Variants in ERBB4 observed in about 807,000 individuals in gnomAD.
ERBB4 encodes receptor tyrosine-protein kinase erbB-4.
ERBB4 carries 42 observed loss-of-function variants against 158.0 expected under a neutral mutation model. The ratio of observed to expected loss-of-function variants is 0.27; its 90% CI spans 0.21 to 0.34. The LOEUF (loss-of-function observed/expected upper bound fraction) is 0.34. ERBB4 is among the 10% of genes least tolerant of loss of function. ERBB4 has a pLI of 1.00. For synonymous variants in ERBB4, 583 were observed against 558.7 expected (o/e 1.04, Z -0.61); for missense variants, 1,333 against 1,624.1 (o/e 0.82, Z 3.08).
chr2:212,467,161 T>C (rs958702421), intron 1 of ERBB4, among the ~76,000 whole-genome samples: 7 of 152,202 alleles, frequency 4.6e-5, no homozygotes, highest in African/African-American at 1.4e-4. Flanking sequence ...TATAAAAGTT[T>C]GGAAAATTTG....
chr2:212,076,981 A>G (rs1024885361), intron 2 of ERBB4, among the ~76,000 whole-genome samples: 1 of 152,038 alleles, frequency 6.6e-6, no homozygotes, highest in Non-Finnish European at 1.5e-5. Flanking sequence ...AAACTGTGCA[A>G]GAGATTTGAA....
chr2:211,943,895 T>A (rs994868324), intron 3 of ERBB4, among the ~76,000 whole-genome samples: 1 of 151,802 alleles, frequency 6.6e-6, no homozygotes, highest in Non-Finnish European at 1.5e-5. Context: ...AATCTGTATA[T>A]GTCTAAGTGA....
At chr2:212,297,967 G>A (rs1193661489) in intron 1 of ERBB4, among the ~76,000 whole-genome samples, 1 of 150,706 alleles carries the variant, frequency 6.6e-6, no homozygotes, top group Non-Finnish European at 1.5e-5. Flanking sequence ...TAGCAAATAA[G>A]TAAGAACATT....
At chr2:212,156,046 CATAAGGGT>C (rs1301727704) in intron 1 of ERBB4, among the ~76,000 whole-genome samples, 11 of 152,052 alleles carry the variant, frequency 7.2e-5, no homozygotes, top group Non-Finnish European at 1.6e-4. Flanking sequence ...ACCAGACAAG[CATAAGGGT>C]CTGTGACACA....
At chr2:212,352,278 C>T (rs574395106) in intron 1 of ERBB4, among the ~76,000 whole-genome samples, 133 of 149,346 alleles carry the variant, frequency 8.9e-4, no homozygotes, top group Non-Finnish European at 1.7e-3. Context: ...TGTGAGTATA[C>T]CAATGTAACA....
At chr2:211,996,371 T>G (rs1186469770) in intron 2 of ERBB4, among the ~76,000 whole-genome samples, 6 of 152,112 alleles carry the variant, frequency 3.9e-5, no homozygotes, top group Admixed American at 3.9e-4. Flanking sequence ...TGTTTCTGTG[T>G]TGGGCAATAT....
At chr2:212,225,597 A>C (rs2083444817) in intron 1 of ERBB4, among the ~76,000 whole-genome samples, 1 of 151,792 alleles carries the variant, frequency 6.6e-6, no homozygotes, top group South Asian at 2.1e-4. Context: ...TGCTGAAAAC[A>C]ATGTATTTAA....
rs1206756320 is a variant in ERBB4, at chr2:211,381,205, A to G, written c.*2410T>C. On this transcript the variant is annotated 3_prime_UTR_variant, in exon 28 of 28. Coordinates refer to ENST00000342788, the MANE Select transcript of ERBB4 (RefSeq NM_005235.3). ...TCACAAACCCTTCTCCTGCTCTACC[A>G]TACTTTTTCAGCTCGCCTCACTTCT... 2.6e-5 allele frequency: 6 copies of G among 232,200 alleles called. No homozygotes were observed. The highest frequency in any genetic ancestry group is 1.1e-4 in the African/African-American group (5 of 45,264). The allele number at this position is 232,200 out of a possible 1,614,324, so 14.4% of individuals were successfully genotyped here. A position where few individuals can be genotyped will look rare whatever the true frequency, so the allele number is the denominator to read the frequency against.
At position 212,373,918 on chromosome 2, in the gene ERBB4, T is replaced by TATATATCC; in HGVS notation, c.82+164530_82+164531insGGATATAT. Among the ~76,000 whole-genome samples the TATATATCC allele has an allele frequency of 2.4e-4, 14 of 57,284 alleles. 2 individuals carry two copies. Among genetic ancestry groups the TATATATCC allele is most frequent in the African/African-American group, 1.5e-3 (13 of 8,634 alleles). 37.6% of individuals were successfully genotyped at this position (57,284 alleles called of 152,430 possible). On this transcript the variant is annotated intron_variant, in intron 1 of 27. Coordinates refer to ENST00000342788, the MANE Select transcript of ERBB4 (RefSeq NM_005235.3). ...ATATATATATCCATGTATATATCCA[T>TATATATCC]ATATATATATCCATATATATCCATA... is the stretch of plus-strand genomic sequence containing the variant.
chr2:212,205,721 T>A (rs1044890955), intron 1 of ERBB4, among the ~76,000 whole-genome samples: 1 of 152,044 alleles, frequency 6.6e-6, no homozygotes, highest in Admixed American at 6.6e-5. Context: ...TGTAGGAGGG[T>A]CTTATAGAAA....
chr2:212,061,697 AT>A (rs1328801253), intron 2 of ERBB4, among the ~76,000 whole-genome samples: 1 of 149,572 alleles, frequency 6.7e-6, no homozygotes, highest in Non-Finnish European at 1.5e-5. Flanking sequence ...ACCACATCAG[AT>A]TGCAGATTGT....
At chr2:212,529,694 A>C (rs922838740) in intron 1 of ERBB4, among the ~76,000 whole-genome samples, 3 of 152,232 alleles carry the variant, frequency 2.0e-5, no homozygotes, top group Non-Finnish European at 4.4e-5. Flanking sequence ...GTCTCTGCAG[A>C]GTATAAAAAC....
At chr2:211,982,635 A>G (rs1030772635) in intron 2 of ERBB4, among the ~76,000 whole-genome samples, 1 of 152,156 alleles carries the variant, frequency 6.6e-6, no homozygotes, top group African/African-American at 2.4e-5. Context: ...TTTCAATAGA[A>G]TGCAGTGTGT....
chr2:211,514,988 G>C (rs1461185274), intron 20 of ERBB4, among the ~76,000 whole-genome samples: 1 of 152,116 alleles, frequency 6.6e-6, no homozygotes, highest in Non-Finnish European at 1.5e-5. Context: ...TATATACAAT[G>C]TACAGTACGA....
intron 1 of ERBB4, among the ~76,000 whole-genome samples, chr2:212,280,658 A>G (rs2085723093): frequency 6.6e-6 from 1 of 151,700 alleles, no homozygotes; most frequent in East Asian, 1.9e-4. Context: ...TATCAGGAGT[A>G]TTACAGTTAG....
intron 19 of ERBB4, among the ~76,000 whole-genome samples, chr2:211,607,873 T>TC (rs2069045015): frequency 1.7e-5 from 1 of 58,576 alleles, no homozygotes; most frequent in Non-Finnish European, 5.6e-5. Context: ...AGATTTTTTT[T>TC]TTTTTTTTTT....
chr2:212,461,085 ACAC>A (rs1409785494), intron 1 of ERBB4, among the ~76,000 whole-genome samples: 2 of 152,172 alleles, frequency 1.3e-5, no homozygotes, highest in African/African-American at 4.8e-5. Context: ...GCTCTCATAG[ACAC>A]CATCTGCTAG....
At chr2:211,650,933 G>A (rs2070958563) in intron 16 of ERBB4, among the ~76,000 whole-genome samples, 1 of 152,140 alleles carries the variant, frequency 6.6e-6, no homozygotes, top group African/African-American at 2.4e-5. Flanking sequence ...CACTGAAAGT[G>A]CTTAATGGCC....
At chr2:212,088,139 G>A (rs1037973634) in intron 2 of ERBB4, among the ~76,000 whole-genome samples, 6 of 152,104 alleles carry the variant, frequency 3.9e-5, no homozygotes, top group African/African-American at 1.4e-4. Flanking sequence ...GGCTATCAAG[G>A]AGACTAAACT....
Sources: gnomAD v4.1 joint callset for allele counts (sites outside exome capture counted in the v4.1 genomes callset) on GRCh38, gnomAD v4.1.1 for gene constraint, MANE v1.5 for transcripts, NCBI Gene and HGNC (gene_info 2026-07-23, HGNC 2026-07-21) for gene names.